CFAP43: variants seen among roughly 807,000 people sequenced by gnomAD.
CFAP43 encodes the protein cilia and flagella associated protein 43.
In CFAP43, 155 loss-of-function variants were observed where a neutral mutation model predicts 218.9. The ratio of observed to expected loss-of-function variants is 0.71; its 90% confidence interval spans 0.62 to 0.81. The LOEUF (loss-of-function observed/expected upper bound fraction) is 0.81. Among genes scored for constraint, CFAP43 ranks in the 30% least tolerant of loss-of-function variants. The pLI is 0.00. For missense variants in CFAP43, 1,778 were observed against 1,954.3 expected (o/e 0.91, Z 1.70); for synonymous variants, 645 against 681.3 (o/e 0.95, Z 0.83).
At chr10:104,145,987 G>A (rs1319130258) in intron 30 of CFAP43, among the ~76,000 whole-genome samples, 1 of 152,056 alleles carries the variant, frequency 6.6e-6, no homozygotes, top group Non-Finnish European at 1.5e-5. Flanking sequence ...CCAAGTAATG[G>A]GGTCTGCAAC....
chr10:104,146,120 A>G (rs1564719837), intron 30 of CFAP43, 143 bp downstream of exon 30: 4 of 589,918 alleles, frequency 6.8e-6, no homozygotes, highest in Non-Finnish European at 8.9e-6. Context: ...ATACAATGGC[A>G]TAGAATGAAG....
At chr10:104,195,040 C>T (rs1049667730) in intron 10 of CFAP43, among the ~76,000 whole-genome samples, 10 of 152,268 alleles carry the variant, frequency 6.6e-5, no homozygotes, top group South Asian at 2.1e-4. Context: ...CATTCCAGGG[C>T]GATGGTGTGC....
At chr10:104,203,913 T>G in intron 7 of CFAP43, 110 bp from the exon 8 acceptor site, 1 of 982,474 alleles carries the variant, frequency 1.0e-6, no homozygotes, top group Non-Finnish European at 1.4e-6. Context: ...TTATTTGGAA[T>G]CATCATCTAT....
chr10:104,221,797 GA>G (rs978508387), intron 3 of CFAP43, among the ~76,000 whole-genome samples: 2 of 151,986 alleles, frequency 1.3e-5, no homozygotes, highest in African/African-American at 4.8e-5. Flanking sequence ...TTAAAATGAG[GA>G]CCATCATAGA....
chr10:104,211,942 A>G, intron 5 of CFAP43, 65 bp downstream of exon 5: 1 of 1,537,186 alleles, frequency 6.5e-7, no homozygotes, highest in South Asian at 1.2e-5. Context: ...TATGCCAATC[A>G]AATGAGATCA....
At chr10:104,135,014 T>C (rs563645920) in intron 34 of CFAP43, among the ~76,000 whole-genome samples, 93 of 152,212 alleles carry the variant, frequency 6.1e-4, no homozygotes, top group African/African-American at 2.2e-3. Flanking sequence ...CAGCAGCACA[T>C]TGAAAGGATT....
chr10:104,182,903 C>T (rs745392732), intron 16 of CFAP43, among the ~76,000 whole-genome samples: 5 of 151,816 alleles, frequency 3.3e-5, no homozygotes, highest in Non-Finnish European at 5.9e-5. Context: ...TACAGGAGAC[C>T]CTTTCATGGG....
At position 104,161,965 on chromosome 10, in the gene CFAP43, C is replaced by A. The variant is rs544208983; in HGVS notation, c.3410G>T (p.Arg1137Ile). The A allele has an allele frequency of 5.0e-6, 8 of 1,613,184 alleles. No individual in the cohort carries two copies. The African/African-American group carries it at 5.3e-5, about 11-fold the overall frequency. Residue 1137 changes from arginine to isoleucine, a missense_variant, in exon 26 of 38, where the codon AGA becomes ATA. Arg to Ile is a moderately conservative substitution (Grantham distance 97). Around this residue, in one of 3 missense-constraint regions of CFAP43, gnomAD observed 1,553 missense variants for 1,685.2 expected, o/e 0.92. Transcript: ENST00000357060. ...VLEVKKEDILRMVIPQPAFMA... is the reference protein window; with the variant it reads ...VLEVKKEDILIMVIPQPAFMA... Reference sequence around the variant, plus strand: ...AAGGATGAACAGAAATATCACCATTCTCAAAATATCTTCCTTCTTGACTTC... The same window carrying A: ...AAGGATGAACAGAAATATCACCATTATCAAAATATCTTCCTTCTTGACTTC...
Position 104,130,120 on chromosome 10 carries a change from T to C in CFAP43, c.*19A>G. 6.4e-7 allele frequency: 1 copy of C among 1,567,360 alleles called. No individual in the cohort carries two copies. On this transcript the variant is annotated 3_prime_UTR_variant, in exon 38 of 38. Coordinates refer to ENST00000357060, the MANE Select transcript of CFAP43 (RefSeq NM_025145.7). The stretch of plus-strand genomic sequence containing the variant: ...TTTTTAAATGATTGATTTGGCCTTG[T>C]GTTTTCCTGCCAGCGTTTTTACATT...
At chr10:104,191,157 T>A (rs1023129691) in intron 12 of CFAP43, among the ~76,000 whole-genome samples, 15 of 152,202 alleles carry the variant, frequency 9.9e-5, no homozygotes, top group Admixed American at 3.9e-4. Context: ...CACACTGGTA[T>A]CAGAGTCAGT....
At chr10:104,133,531 C>T in intron 35 of CFAP43, 89 bp downstream of exon 35, 1 of 1,361,640 alleles carries the variant, frequency 7.3e-7, no homozygotes, top group Non-Finnish European at 9.9e-7. Flanking sequence ...TGCTTGATAT[C>T]ACAGAGGCTT....
intron 3 of CFAP43, among the ~76,000 whole-genome samples, chr10:104,223,645 T>C: frequency 6.7e-6 from 1 of 150,296 alleles, no homozygotes; most frequent in Non-Finnish European, 1.5e-5. Flanking sequence ...ACTATCAGAA[T>C]TTATGCACTT....
Position 104,214,277 on chromosome 10 carries a change from T to C in CFAP43, c.566A>G (p.Glu189Gly). The C allele has an allele frequency of 6.3e-7, 1 of 1,594,736 alleles. No individual in the cohort carries two copies. Among genetic ancestry groups the C allele is most frequent in the Non-Finnish European group, 8.5e-7 (1 of 1,172,144 alleles). The change falls in exon 4 of 38, where the codon GAG (glutamate) becomes GGG (glycine). Residue 189 changes from glutamate to glycine, a missense_variant. Glu to Gly is a moderately conservative substitution (Grantham distance 98). Around this residue, in one of 3 missense-constraint regions of CFAP43, gnomAD observed 1,553 missense variants for 1,685.2 expected, o/e 0.92. Transcript: ENST00000357060. ...SVWTIERSNQEHCFRARSVKL... is the reference protein window; with the variant it reads ...SVWTIERSNQGHCFRARSVKL... Reference sequence around the variant, plus strand: ...CTCCTACCTTGCTCTGAAACAATGCTCCTGGTTACTTCTTTCAATGGTCCA... The same window carrying C: ...CTCCTACCTTGCTCTGAAACAATGCCCCTGGTTACTTCTTTCAATGGTCCA...
chr10:104,149,621 A>G (rs907055023), intron 28 of CFAP43, among the ~76,000 whole-genome samples: 1 of 152,176 alleles, frequency 6.6e-6, no homozygotes, highest in African/African-American at 2.4e-5. Flanking sequence ...AACTATTATC[A>G]TCTTTGAATC....
At chr10:104,204,263 G>T (rs1037721434) in intron 7 of CFAP43, among the ~76,000 whole-genome samples, 4 of 151,954 alleles carry the variant, frequency 2.6e-5, no homozygotes, top group Non-Finnish European at 5.9e-5. Flanking sequence ...TATTCCCTTC[G>T]GATCCTCTTT....
chr10:104,187,333 A>G lies in CFAP43; in HGVS notation c.1847T>C (p.Leu616Pro). 2 of 1,591,752 alleles carry G rather than the reference A, an allele frequency of 1.3e-6. No individual in the cohort carries two copies. The highest frequency in any genetic ancestry group is 1.7e-6 in the Non-Finnish European group (2 of 1,173,962). ...GTGTTGACATACTTCTTCAGGAAGA[A>G]GGTAGCTACAGATGTATGGCACTTG... ...CSQVPYICSY[L>P]LPEEEHTGIY... The change falls in exon 14 of 38, where the codon CTT becomes CCT. Residue 616 changes from leucine (L) to proline (P), a missense_variant. Physicochemically the swap from Leu to Pro is moderately conservative, Grantham distance 98 (BLOSUM62 -3). Transcript: ENST00000357060.
chr10:104,163,955 A>G, intron 24 of CFAP43, 139 bp downstream of exon 24: 1 of 758,010 alleles, frequency 1.3e-6, no homozygotes, highest in Non-Finnish European at 2.1e-6. Context: ...TGCTGAGGCT[A>G]CATCATGTCT....
intron 10 of CFAP43, among the ~76,000 whole-genome samples, chr10:104,194,500 G>A (rs1299814663): frequency 6.6e-6 from 1 of 152,210 alleles, no homozygotes. Flanking sequence ...CTGCCGAGTC[G>A]CTGGGATTAC....
chr10:104,173,860 AT>A (rs2089510873), intron 19 of CFAP43, among the ~76,000 whole-genome samples: 1 of 152,244 alleles, frequency 6.6e-6, no homozygotes, highest in Non-Finnish European at 1.5e-5. Context: ...ATCACTAAAT[AT>A]TTGGGGAACA....
Sources: allele counts gnomAD v4.1 joint callset (sites outside exome capture counted in the v4.1 genomes callset), GRCh38; gene constraint gnomAD v4.1.1; regional missense constraint gnomAD v4.1.1; transcripts MANE v1.5; gene names NCBI Gene and HGNC (gene_info 2026-07-23, HGNC 2026-07-21).